The following INSR variants were observed in gnomAD, a reference collection of about 807,000 sequenced individuals.
The protein encoded by INSR is insulin receptor.
A neutral mutation model predicts 142.6 loss-of-function variants in INSR; 67 were observed. The observed-to-expected ratio is 0.47, with a 90% CI of 0.39 to 0.58. The LOEUF (loss-of-function observed/expected upper bound fraction) is 0.58. Among genes scored for constraint, INSR ranks in the 20% least tolerant of loss-of-function variants. The probability of loss-of-function intolerance (pLI) is 0.00; values close to 1 mark genes in which losing one functional copy is unlikely to be tolerated. For missense variants in INSR, 1,248 were observed against 1,833.2 expected, an observed-to-expected ratio of 0.68 and a Z score of 5.83; for synonymous variants, 756 against 743.1, an observed-to-expected ratio of 1.02 and a Z score of -0.28.
chr19:7,146,236 C>CCT lies in INSR; in HGVS notation c.2268-3147_2268-3146insAG, dbSNP rs1424523294. On this transcript the variant is annotated intron_variant, in intron 11 of 21. Transcript: ENST00000302850. The stretch of plus-strand genomic sequence containing the variant: ...TTCAGTGCAGTATCTTTGTCAAGTT[C>CCT]TTTTTTTTTTTTTTTTTTTTTTGAG... Among the ~76,000 whole-genome samples the CCT allele has an allele frequency of 4.0e-3, 443 of 110,604 alleles. 73 individuals are homozygous for CCT. Among genetic ancestry groups the CCT allele is most frequent in the Middle Eastern group, 5.1e-3 (1 of 198 alleles). 72.6% of individuals were successfully genotyped at this position (110,604 alleles called of 152,430 possible). A position where few individuals can be genotyped will look rare whatever the true frequency, so the allele number is the denominator to read the frequency against.
At chr19:7,152,390 A>G (rs1973390321) in intron 10 of INSR, 1 of 298,362 alleles carries the variant, frequency 3.4e-6, no homozygotes, top group Non-Finnish European at 6.5e-6. Context: ...AAAAAAAAAA[A>G]AAAAGAGAGA....
intron 2 of INSR, among the ~76,000 whole-genome samples, chr19:7,250,015 T>A (rs1219762319): frequency 1.3e-5 from 2 of 150,940 alleles, no homozygotes; most frequent in African/African-American, 4.9e-5. Context: ...ATAAAATAAC[T>A]GGGCATGGTG....
intron 2 of INSR, among the ~76,000 whole-genome samples, chr19:7,243,669 C>T (rs1381020470): frequency 6.6e-6 from 1 of 152,130 alleles, no homozygotes; most frequent in Non-Finnish European, 1.5e-5. Flanking sequence ...AATAAATAAT[C>T]CAAACTGATG....
At chr19:7,156,818 T>G (rs1170734534) in intron 9 of INSR, among the ~76,000 whole-genome samples, 1 of 147,578 alleles carries the variant, frequency 6.8e-6, no homozygotes, top group Non-Finnish European at 1.5e-5. Context: ...AGATGGGGTC[T>G]TGCTCTGTCG....
At chr19:7,228,210 T>C (rs1180344248) in intron 2 of INSR, among the ~76,000 whole-genome samples, 1 of 152,174 alleles carries the variant, frequency 6.6e-6, no homozygotes, top group Non-Finnish European at 1.5e-5. Flanking sequence ...TGCCCTAAAA[T>C]GAATATCGAC....
intron 2 of INSR, among the ~76,000 whole-genome samples, chr19:7,223,976 C>T (rs113991668): frequency 3.2e-4 from 49 of 151,550 alleles, no homozygotes; most frequent in African/African-American, 8.7e-4. Context: ...AGACCAGTCT[C>T]GCTCTGCCAC....
At chr19:7,196,089 C>T (rs1441276978) in intron 2 of INSR, among the ~76,000 whole-genome samples, 1 of 152,108 alleles carries the variant, frequency 6.6e-6, no homozygotes, top group Non-Finnish European at 1.5e-5. Flanking sequence ...GCATGTGCCA[C>T]CACGCCTGGC....
chr19:7,161,864 G>T lies in INSR; in HGVS notation c.2029+1168C>A, dbSNP rs188987893. Among the ~76,000 whole-genome samples, 4 of 152,178 alleles carry T rather than the reference G, an allele frequency of 2.6e-5. No individual in the cohort carries two copies. The East Asian group carries it at 7.7e-4, about 29-fold the overall frequency. On this transcript the variant is annotated intron_variant, in intron 9 of 21. Coordinates refer to ENST00000302850, the MANE Select transcript of INSR (RefSeq NM_000208.4). Reference sequence around the variant, plus strand: ...TGGTTTTGACACAAGTCTTCAGTGCGTGCTTGTGTTACGATGTTTAAAAAT... The same window carrying T: ...TGGTTTTGACACAAGTCTTCAGTGCTTGCTTGTGTTACGATGTTTAAAAAT...
At chr19:7,259,189 C>CTACT (rs2145193188) in intron 2 of INSR, among the ~76,000 whole-genome samples, 2 of 123,194 alleles carry the variant, frequency 1.6e-5, no homozygotes, top group African/African-American at 5.9e-5. Flanking sequence ...CCTTCCTTCC[C>CTACT]TCCTTCCTTC....
rs1439457782 is a variant in INSR, at chr19:7,141,597, A to G, written c.2682+80T>C. The G allele has an allele frequency of 4.4e-6, 7 of 1,589,302 alleles. No individual in the cohort carries two copies. In the Admixed American group the frequency reaches 1.3e-4, roughly 28 times the overall value. On this transcript the variant is annotated intron_variant, in intron 13 of 21. Transcript: ENST00000302850. Reference sequence around the variant, plus strand: ...GAAGCACTGGAATCAAAATTTCAGCAGAGGAAGGAGGTACCAAGTGCAACT... The same window carrying G: ...GAAGCACTGGAATCAAAATTTCAGCGGAGGAAGGAGGTACCAAGTGCAACT...
intron 2 of INSR, among the ~76,000 whole-genome samples, chr19:7,240,689 T>C (rs1056368067): frequency 2.0e-5 from 3 of 152,096 alleles, no homozygotes; most frequent in African/African-American, 7.2e-5. Flanking sequence ...GCTCCAAAAT[T>C]CAACTTTTTG....
At chr19:7,133,332 A>C (rs909594654) in intron 13 of INSR, among the ~76,000 whole-genome samples, 5 of 152,238 alleles carry the variant, frequency 3.3e-5, no homozygotes, top group African/African-American at 1.2e-4. Context: ...GTTATGTTAC[A>C]GTATAAATTG....
At chr19:7,148,573 AAT>A (rs1568445160) in intron 11 of INSR, among the ~76,000 whole-genome samples, 1 of 148,556 alleles carries the variant, frequency 6.7e-6, no homozygotes, top group African/African-American at 2.5e-5. Context: ...CGCCTCCAGA[AAT>A]CAAGTGATTC....
chr19:7,137,958 T>A (rs1390488624), intron 13 of INSR, among the ~76,000 whole-genome samples: 1 of 145,488 alleles, frequency 6.9e-6, no homozygotes, highest in Non-Finnish European at 1.5e-5. Context: ...TTCTTCTTTT[T>A]TCTTTTTCTT....
intron 2 of INSR, among the ~76,000 whole-genome samples, chr19:7,209,722 G>GA (rs1224037536): frequency 3.3e-5 from 5 of 152,028 alleles, no homozygotes; most frequent in African/African-American, 1.2e-4. Flanking sequence ...CCAAAGTCAT[G>GA]TATTTTATTC....
intron 3 of INSR, 148 bp downstream of exon 3, chr19:7,184,168 G>C (rs773359872): frequency 3.7e-5 from 26 of 700,944 alleles, no homozygotes; most frequent in South Asian, 1.3e-4. Context: ...ACCAAAACAG[G>C]GTGCAAAAGT....
intron 2 of INSR, among the ~76,000 whole-genome samples, chr19:7,188,110 C>T (rs557175285): frequency 1.3e-5 from 2 of 152,222 alleles, no homozygotes; most frequent in African/African-American, 4.8e-5. Context: ...TCCCTTGTCC[C>T]CTTGTGACTT....
Position 7,173,557 on chromosome 19 carries a change from G to A in INSR, c.1123+1026C>T, listed in dbSNP as rs1240693051. 2.1e-5 allele frequency among the ~76,000 whole-genome samples: 3 copies of A among 143,350 alleles called. No homozygotes were observed. In the Admixed American group the frequency reaches 2.1e-4, roughly 10 times the overall value. 94.0% of individuals were successfully genotyped at this position (143,350 alleles called of 152,430 possible). On this transcript the variant is annotated intron_variant, in intron 4 of 21. Coordinates refer to ENST00000302850, the MANE Select transcript of INSR (RefSeq NM_000208.4). The stretch of plus-strand genomic sequence containing the variant: ...TCAAACTTCTGACCTCAAGTGATCC[G>A]CCCACCTCAGCCTCCCAAAGTGCTG...
chr19:7,265,204 A>G (rs1284483882), intron 2 of INSR, among the ~76,000 whole-genome samples: 1 of 152,212 alleles, frequency 6.6e-6, no homozygotes, highest in Non-Finnish European at 1.5e-5. Context: ...AAAACATGAT[A>G]AAACTACCAT....
Sources: allele counts gnomAD v4.1 joint callset (sites outside exome capture counted in the v4.1 genomes callset), GRCh38; gene constraint gnomAD v4.1.1; transcripts MANE v1.5; gene names NCBI Gene and HGNC (gene_info 2026-07-23, HGNC 2026-07-21).